PCCB: variants seen among roughly 807,000 people sequenced by gnomAD.
The protein encoded by PCCB is propionyl-CoA carboxylase subunit beta, also known as propionyl-CoA carboxylase beta chain, mitochondrial.
Under a neutral mutation model 60.7 loss-of-function variants are expected in PCCB, and 43 were observed. That is an observed-to-expected ratio of 0.71 (90% CI 0.55 to 0.91). PCCB has a LOEUF of 0.91. Ranked by LOEUF, PCCB falls within the 40% of genes least tolerant of loss-of-function variation. The pLI is 0.00. For missense variants in PCCB, 766 were observed against 702.8 expected (o/e 1.09, Z -1.02); for synonymous variants, 276 against 255.9 (o/e 1.08, Z -0.75).
intron 4 of PCCB, 86 bp from the exon 5 acceptor site, chr3:136,261,866 T>A: frequency 1.1e-6 from 1 of 932,106 alleles, no homozygotes; most frequent in Non-Finnish European, 1.7e-6. Flanking sequence ...TCAGAACGTT[T>A]TCCAGAAAAC....
At chr3:136,255,064 T>TG (rs1364362752) in intron 1 of PCCB, among the ~76,000 whole-genome samples, 1 of 151,900 alleles carries the variant, frequency 6.6e-6, no homozygotes, top group African/African-American at 2.4e-5. Context: ...TTAATAGAGA[T>TG]GGGGTTTCTC....
Position 136,330,150 on chromosome 3 carries a change from T to C in PCCB, c.*124T>C. ...TTGGATAACTTAGAATAACTAAGTT[T>C]ATTAAATTCTAGAAAGATCTCTTTT... On this transcript the variant is annotated 3_prime_UTR_variant, in exon 15 of 15. Transcript: ENST00000251654. 6.5e-7 allele frequency: 1 copy of C among 1,539,814 alleles called. No individual in the cohort carries two copies. Among genetic ancestry groups the C allele is most frequent in the Middle Eastern group, 1.7e-4 (1 of 5,846 alleles).
At chr3:136,293,435 T>C (rs1484856444) in intron 6 of PCCB, among the ~76,000 whole-genome samples, 1 of 152,240 alleles carries the variant, frequency 6.6e-6, no homozygotes, top group Non-Finnish European at 1.5e-5. Context: ...TGTGAAGTGC[T>C]TAAAAAACTT....
intron 5 of PCCB, among the ~76,000 whole-genome samples, chr3:136,266,493 C>T (rs1941987099): frequency 6.6e-6 from 1 of 152,136 alleles, no homozygotes; most frequent in Non-Finnish European, 1.5e-5. Flanking sequence ...ATGATCACAG[C>T]TCACTGCAGC....
At chr3:136,263,766 C>T (rs1293638714) in intron 5 of PCCB, among the ~76,000 whole-genome samples, 1 of 152,136 alleles carries the variant, frequency 6.6e-6, no homozygotes, top group Non-Finnish European at 1.5e-5. Flanking sequence ...AGTCTCAGCA[C>T]TTTGGGAGGC....
At chr3:136,310,454 TGAG>T (rs1341138897) in intron 9 of PCCB, among the ~76,000 whole-genome samples, 1 of 151,892 alleles carries the variant, frequency 6.6e-6, no homozygotes, top group African/African-American at 2.4e-5. Flanking sequence ...CCCAGGAAGT[TGAG>T]GGAGCAGTTA....
chr3:136,300,108 G>A (rs911056955), intron 8 of PCCB, among the ~76,000 whole-genome samples: 6 of 150,418 alleles, frequency 4.0e-5, no homozygotes, highest in Non-Finnish European at 5.9e-5. Flanking sequence ...ATACATACAT[G>A]CATATCTACA....
At chr3:136,293,656 A>G (rs1272104127) in intron 6 of PCCB, 100 bp from the exon 7 acceptor site, 5 of 811,380 alleles carry the variant, frequency 6.2e-6, no homozygotes, top group Non-Finnish European at 1.1e-5. Context: ...CAGCCACGTC[A>G]CTATCTTCTC....
chr3:136,298,186 G>C, intron 8 of PCCB, 114 bp downstream of exon 8: 2 of 1,297,542 alleles, frequency 1.5e-6, no homozygotes, highest in Non-Finnish European at 2.2e-6. Context: ...GAGTGTGGTA[G>C]AGTGGCTCCC....
intron 6 of PCCB, among the ~76,000 whole-genome samples, chr3:136,287,858 C>T (rs1409874575): frequency 6.6e-6 from 1 of 152,128 alleles, no homozygotes; most frequent in Non-Finnish European, 1.5e-5. Flanking sequence ...TCTTGGTGCG[C>T]ACATTTTATT....
intron 1 of PCCB, among the ~76,000 whole-genome samples, chr3:136,254,508 C>G (rs1294725305): frequency 7.5e-6 from 1 of 132,616 alleles, no homozygotes; most frequent in Admixed American, 8.0e-5. Context: ...GTGTGAGCCA[C>G]TGCGGCTAGC....
chr3:136,320,986 G>A (rs1935087654), intron 10 of PCCB, among the ~76,000 whole-genome samples: 1 of 152,176 alleles, frequency 6.6e-6, no homozygotes, highest in Admixed American at 6.5e-5. Context: ...TAATATGGAG[G>A]AAGTTTCCAT....
At chr3:136,286,835 A>G (rs1933432873) in intron 6 of PCCB, among the ~76,000 whole-genome samples, 1 of 152,030 alleles carries the variant, frequency 6.6e-6, no homozygotes, top group South Asian at 2.1e-4. Context: ...GTTTGAGACC[A>G]GCATGGCCAA....
intron 8 of PCCB, among the ~76,000 whole-genome samples, chr3:136,299,390 A>G (rs993370677): frequency 8.6e-5 from 13 of 151,530 alleles, no homozygotes; most frequent in Non-Finnish European, 1.6e-4. Flanking sequence ...ATATGTATGT[A>G]TATGTATGCT....
intron 4 of PCCB, among the ~76,000 whole-genome samples, chr3:136,260,931 A>C (rs1941803640): frequency 6.6e-6 from 1 of 152,244 alleles, no homozygotes. Context: ...CTTTAATAGG[A>C]CGTAAAAATA....
chr3:136,302,091 A>T (rs768195726), intron 9 of PCCB, among the ~76,000 whole-genome samples: 1 of 152,306 alleles, frequency 6.6e-6, no homozygotes, highest in East Asian at 1.9e-4. Context: ...ATCTCTTTGC[A>T]CCTCTGTGAT....
At chr3:136,328,881 C>T (rs765344125) in intron 14 of PCCB, 24 bp downstream of exon 14, 1 of 1,551,278 alleles carries the variant, frequency 6.4e-7, no homozygotes, top group South Asian at 1.1e-5. Context: ...GTGAAGAGGG[C>T]AGCTTTGTTT....
chr3:136,271,765 C>T (rs1942208904), intron 5 of PCCB, among the ~76,000 whole-genome samples: 1 of 152,062 alleles, frequency 6.6e-6, no homozygotes, highest in Non-Finnish European at 1.5e-5. Flanking sequence ...TTGGATGAGT[C>T]GCTAGAGTTT....
chr3:136,273,515 C>T (rs902708365), intron 5 of PCCB, among the ~76,000 whole-genome samples: 5 of 148,922 alleles, frequency 3.4e-5, no homozygotes, highest in Non-Finnish European at 4.4e-5. Flanking sequence ...AATATGAATT[C>T]AGGATTATAA....
Sources: gnomAD v4.1 joint callset for allele counts (sites outside exome capture counted in the v4.1 genomes callset) on GRCh38, gnomAD v4.1.1 for gene constraint, MANE v1.5 for transcripts, NCBI Gene and HGNC (gene_info 2026-07-23, HGNC 2026-07-21) for gene names.